WDR83: variants seen among roughly 807,000 people sequenced by gnomAD.
The protein encoded by WDR83 is WD repeat domain 83.
Under a neutral mutation model 37.7 loss-of-function variants are expected in WDR83, and 37 were observed. That is an observed-to-expected ratio of 0.98 (90% CI 0.76 to 1.29). The LOEUF is 1.29. Ranked by LOEUF, WDR83 falls within the 50% of genes most tolerant of loss-of-function variation. The pLI, the probability that WDR83 is intolerant of heterozygous loss-of-function variation, is 0.00. For missense variants in WDR83, 445 were observed against 414.4 expected, an observed-to-expected ratio of 1.07 and a Z score of -0.64; for synonymous variants, 174 against 181.1, an observed-to-expected ratio of 0.96 and a Z score of 0.31.
intron 7 of WDR83, among the ~76,000 whole-genome samples, chr19:12,671,704 T>TTTTG (rs1387939475): frequency 1.3e-5 from 2 of 152,058 alleles, no homozygotes; most frequent in African/African-American, 4.8e-5. Context: ...AAGGAAGAAT[T>TTTTG]TTTGTTTTTT....
intron 5 of WDR83, 53 bp from the exon 6 acceptor site, chr19:12,670,510 T>C (rs2024380909): frequency 6.2e-7 from 1 of 1,613,574 alleles, no homozygotes; most frequent in Middle Eastern, 1.6e-4. Context: ...AACCCTGCCT[T>C]TATCCCAGTC....
intron 2 of WDR83, 160 bp from the exon 3 acceptor site, chr19:12,669,595 T>C (rs936459161): frequency 1.1e-6 from 1 of 928,780 alleles, no homozygotes; most frequent in East Asian, 2.6e-5. Flanking sequence ...AAAGGGAAAA[T>C]GGGGAAAAGA....
intron 2 of WDR83, 102 bp from the exon 3 acceptor site, chr19:12,669,653 A>G: frequency 9.5e-7 from 1 of 1,056,034 alleles, no homozygotes; most frequent in Non-Finnish European, 1.4e-6. Context: ...CGAAATGCCA[A>G]AATGATGAAC....
intron 5 of WDR83, 103 bp from the exon 6 acceptor site, chr19:12,670,460 C>G: frequency 2.5e-6 from 4 of 1,578,380 alleles, no homozygotes; most frequent in Middle Eastern, 3.4e-4. Context: ...CCCCCAAAAC[C>G]TTTCACCTCC....
At position 12,669,824 on chromosome 19, in the gene WDR83, G is replaced by C. The variant is rs746345300; in HGVS notation, c.34G>C (p.Glu12Gln). Residue 12 changes from glutamate (E) to glutamine (Q), a missense_variant, in exon 3 of 11, where the codon GAG becomes CAG. Transcript: ENST00000418543. ...CCCTGAGCCAAAGCCGCGGCCTCCA[G>C]AGCTGCCGCAGAAACGGTTGAAGAC... ...AFPEPKPRPP[E>Q]LPQKRLKTLD... 1.8e-5 allele frequency: 29 copies of C among 1,611,790 alleles called. No individual in the cohort carries two copies. In the South Asian group the frequency reaches 2.6e-4, roughly 15 times the overall value.
intron 1 of WDR83, among the ~76,000 whole-genome samples, 167 bp downstream of exon 1, chr19:12,667,159 T>C (rs1001476105): frequency 1.3e-5 from 2 of 152,142 alleles, no homozygotes; most frequent in African/African-American, 4.8e-5. Context: ...CTGTGGGGAT[T>C]GGGACGTTGG....
intron 4 of WDR83, 34 bp from the exon 5 acceptor site, chr19:12,670,146 G>C: frequency 6.2e-7 from 1 of 1,608,192 alleles, no homozygotes; most frequent in Non-Finnish European, 8.5e-7. Flanking sequence ...TGGGATCCGA[G>C]GTCGATGCTG....
intron 2 of WDR83, 88 bp downstream of exon 2, chr19:12,668,715 T>G: frequency 2.0e-6 from 2 of 1,023,130 alleles, no homozygotes; most frequent in Non-Finnish European, 3.0e-6. Flanking sequence ...ACTGATTCCA[T>G]CTGATGCAGC....
intron 1 of WDR83, chr19:12,668,236 G>A: frequency 9.9e-7 from 1 of 1,008,866 alleles, no homozygotes; most frequent in East Asian, 2.6e-5. Flanking sequence ...TATCCAGCTG[G>A]GGGCACCGAG....
intron 2 of WDR83, chr19:12,669,318 A>C (rs1290341804): frequency 1.2e-6 from 2 of 1,605,276 alleles, no homozygotes; most frequent in South Asian, 2.2e-5. Flanking sequence ...CCACACCCAC[A>C]ACCCGAACCC....
chr19:12,669,967 T>A lies in WDR83; in HGVS notation c.104-10T>A, dbSNP rs747451307. On this transcript the variant is annotated splice_polypyrimidine_tract_variant and intron_variant, in intron 3 of 10. Coordinates refer to ENST00000418543, the MANE Select transcript of WDR83 (RefSeq NM_001099737.3). Reference sequence around the variant, plus strand: ...CGACGGCCCAGTAACCCCCGCCTGGTGTTCCCCAGTGGATGGCAATTACTG... The same window carrying A: ...CGACGGCCCAGTAACCCCCGCCTGGAGTTCCCCAGTGGATGGCAATTACTG... The A allele has an allele frequency of 6.2e-7, 1 of 1,607,446 alleles. No individual in the cohort carries two copies. Among genetic ancestry groups the A allele is most frequent in the South Asian group, 1.1e-5 (1 of 90,846 alleles).
rs1345765323 is a variant in WDR83 at position 12,675,748 on chromosome 19, A to G, written c.*76A>G. The G allele has an allele frequency of 2.3e-5, 36 of 1,569,508 alleles. No homozygotes were observed. The highest frequency in any genetic ancestry group is 3.0e-5 in the Non-Finnish European group (35 of 1,157,594). On this transcript the variant is annotated 3_prime_UTR_variant, in exon 11 of 11. Coordinates refer to ENST00000418543, the MANE Select transcript of WDR83 (RefSeq NM_001099737.3). ...GACTTCAGATACCATCTTATTCTAGAGACGTAGCTGACCAAAAAGTAGGGG... is the reference window on the plus strand; with the variant it reads ...GACTTCAGATACCATCTTATTCTAGGGACGTAGCTGACCAAAAAGTAGGGG...
rs1184947882 is a variant in WDR83 at position 12,670,244 on chromosome 19, G to A, written c.289G>A (p.Ala97Thr). 1.2e-6 allele frequency: 2 copies of A among 1,614,104 alleles called. No individual in the cohort carries two copies. The highest frequency in any genetic ancestry group is 1.7e-6 in the Non-Finnish European group (2 of 1,180,002). Residue 97 changes from alanine (A) to threonine (T), a missense_variant, in exon 5 of 11, where the codon GCA becomes ACA. By Grantham distance (58) the Ala-to-Thr change is moderately conservative. Coordinates refer to ENST00000418543, the MANE Select transcript of WDR83 (RefSeq NM_001099737.3). ...GDKAVVLWDV[A>T]SGQVVRKFRG... is the part of the protein sequence containing the mutation. Reference sequence around the variant, plus strand: ...CAAGGCGGTGGTTCTGTGGGATGTGGCATCAGGGCAGGTCGTGCGCAAATT... The same window carrying A: ...CAAGGCGGTGGTTCTGTGGGATGTGACATCAGGGCAGGTCGTGCGCAAATT...
At chr19:12,669,192 TCGTC>T (rs2024337205) in intron 2 of WDR83, 1 of 1,614,038 alleles carries the variant, frequency 6.2e-7, no homozygotes, top group Non-Finnish European at 8.5e-7. Flanking sequence ...CGGCGTCGGG[TCGTC>T]CAAGGCCGGG....
Position 12,666,810 on chromosome 19 carries a change from G to A in WDR83, c.-339G>A, listed in dbSNP as rs1225114827. ...GGGTGGGGGGCGGGGCCAGGGCGCG[G>A]TCTGGAGGCTCACGGGAGAGAGGCT... On this transcript the variant is annotated 5_prime_UTR_variant, in exon 1 of 11. Coordinates refer to ENST00000418543, the MANE Select transcript of WDR83 (RefSeq NM_001099737.3). The A allele has an allele frequency of 1.8e-6, 2 of 1,132,656 alleles. No homozygotes were observed. Among genetic ancestry groups the A allele is most frequent in the Non-Finnish European group, 2.5e-6 (2 of 814,828 alleles). The allele number at this position is 1,132,656 out of a possible 1,614,324, so 70.2% of individuals were successfully genotyped here. A position where few individuals can be genotyped will look rare whatever the true frequency, so the allele number is the denominator to read the frequency against.
In WDR83 at chr19:12,666,823, C is replaced by A. The variant is rs1208259227; in HGVS notation, c.-326C>A. 7.2e-6 allele frequency: 7 copies of A among 973,992 alleles called. No individual in the cohort carries two copies. The highest frequency in any genetic ancestry group is 1.0e-5 in the Non-Finnish European group (7 of 673,856). 60.3% of individuals were successfully genotyped at this position (973,992 alleles called of 1,614,324 possible). On this transcript the variant is annotated 5_prime_UTR_variant, in exon 1 of 11. Coordinates refer to ENST00000418543, the MANE Select transcript of WDR83 (RefSeq NM_001099737.3). ...GGCCAGGGCGCGGTCTGGAGGCTCA[C>A]GGGAGAGAGGCTGTAGCCCTGGGCA... is the stretch of plus-strand genomic sequence containing the variant.
intron 10 of WDR83, among the ~76,000 whole-genome samples, chr19:12,675,215 C>T (rs2024538045): frequency 6.6e-6 from 1 of 152,150 alleles, no homozygotes; most frequent in Non-Finnish European, 1.5e-5. Context: ...TCACTTGAGG[C>T]CAGGAGTTCG....
At position 12,670,072 on chromosome 19, in the gene WDR83, G is replaced by C; in HGVS notation, c.199G>C (p.Gly67Arg). The change falls in exon 4 of 11, where the codon GGC becomes CGC. Residue 67 changes from glycine (G) to arginine (R), a missense_variant. Transcript: ENST00000418543. ...GCTGCTGCGGACGTACAGCGGCCACGGCTACGAGGTGCTGGATGCGGCCGG... is the reference window on the plus strand; with the variant it reads ...GCTGCTGCGGACGTACAGCGGCCACCGCTACGAGGTGCTGGATGCGGCCGG... Reference protein sequence around the residue: ...GTLLRTYSGHGYEVLDAAGSF... With the variant: ...GTLLRTYSGHRYEVLDAAGSF... The C allele has an allele frequency of 6.2e-7, 1 of 1,612,026 alleles. No individual in the cohort carries two copies. The highest frequency in any genetic ancestry group is 8.5e-7 in the Non-Finnish European group (1 of 1,178,572).
At chr19:12,675,501 C>T in intron 10 of WDR83, 22 bp from the exon 11 acceptor site, 2 of 1,600,150 alleles carry the variant, frequency 1.2e-6, no homozygotes, top group Non-Finnish European at 1.7e-6. Context: ...CAGATAACCA[C>T]TCCCTACCCC....
Sources: gnomAD v4.1 joint callset for allele counts (sites outside exome capture counted in the v4.1 genomes callset) on GRCh38, gnomAD v4.1.1 for gene constraint, MANE v1.5 for transcripts, NCBI Gene and HGNC (gene_info 2026-07-23, HGNC 2026-07-21) for gene names.